GSAP: variants seen among roughly 807,000 people sequenced by gnomAD.
The protein encoded by GSAP is gamma-secretase activating protein.
Under a neutral mutation model 131.7 loss-of-function variants are expected in GSAP, and 118 were observed. The observed-to-expected ratio is 0.90, with a 90% CI of 0.77 to 1.04. The LOEUF (loss-of-function observed/expected upper bound fraction) is 1.04. GSAP is among the 50% of genes least tolerant of loss of function. GSAP has a pLI of 0.00. For synonymous variants in GSAP, 381 were observed against 363.4 expected (o/e 1.05, Z -0.55); for missense variants, 1,019 against 1,013.2 (o/e 1.01, Z -0.08).
chr7:77,400,430 C>A (rs914112542), intron 3 of GSAP, among the ~76,000 whole-genome samples: 11 of 152,180 alleles, frequency 7.2e-5, no homozygotes, highest in African/African-American at 2.7e-4. Context: ...TCCTGCTCCT[C>A]TGCTGTGGTA....
chr7:77,402,198 T>G lies in GSAP; in HGVS notation c.243+2361A>C, dbSNP rs1039546216. ...CCAAGAGAAAGATTTTTTTTTTCTC[T>G]TGATGGCACCATCTTTCCTCATGGT... On this transcript the variant is annotated intron_variant, in intron 3 of 30. Transcript: ENST00000257626. 4.0e-5 allele frequency among the ~76,000 whole-genome samples: 6 copies of G among 151,804 alleles called. No individual in the cohort carries two copies. In the East Asian group the frequency reaches 1.2e-3, roughly 29 times the overall value.
intron 12 of GSAP, among the ~76,000 whole-genome samples, chr7:77,368,056 G>A (rs1795574576): frequency 6.6e-6 from 1 of 152,014 alleles, no homozygotes; most frequent in Non-Finnish European, 1.5e-5. Flanking sequence ...CATCCCATTT[G>A]TCATTTCTAA....
At chr7:77,311,611 T>G (rs1179135558) in intron 30 of GSAP, 162 bp from the exon 31 acceptor site, 1 of 595,006 alleles carries the variant, frequency 1.7e-6, no homozygotes, top group Non-Finnish European at 3.0e-6. Context: ...CAAGAACATT[T>G]GCATCAACCA....
At chr7:77,388,414 G>GTCTA (rs1346170323) in intron 5 of GSAP, among the ~76,000 whole-genome samples, 1 of 152,202 alleles carries the variant, frequency 6.6e-6, no homozygotes, top group Non-Finnish European at 1.5e-5. Flanking sequence ...AGGGACAGTG[G>GTCTA]TATAGCACTG....
chr7:77,312,990 G>A (rs1445170630), intron 28 of GSAP, among the ~76,000 whole-genome samples: 12 of 151,864 alleles, frequency 7.9e-5, no homozygotes. Flanking sequence ...TTCCTACCAT[G>A]TCATATTTTC....
At chr7:77,376,551 G>A (rs1005835852) in intron 10 of GSAP, among the ~76,000 whole-genome samples, 21 of 152,070 alleles carry the variant, frequency 1.4e-4, no homozygotes, top group African/African-American at 4.8e-4. Flanking sequence ...CGAGGCAGGT[G>A]GATCACGAGG....
At chr7:77,355,671 C>A (rs1365521705) in intron 14 of GSAP, 24 bp from the exon 15 acceptor site, 1 of 1,260,222 alleles carries the variant, frequency 7.9e-7, no homozygotes, top group Admixed American at 1.7e-5. Flanking sequence ...AGATTTACAT[C>A]ATCTACATGT....
intron 14 of GSAP, among the ~76,000 whole-genome samples, chr7:77,356,370 G>A (rs1373799718): frequency 6.6e-6 from 1 of 152,164 alleles, no homozygotes; most frequent in Non-Finnish European, 1.5e-5. Context: ...TTGATAAGCT[G>A]GAAATAGCCT....
intron 10 of GSAP, among the ~76,000 whole-genome samples, chr7:77,375,410 C>T (rs1584575035): frequency 6.6e-6 from 1 of 152,102 alleles, no homozygotes; most frequent in East Asian, 1.9e-4. Flanking sequence ...TGGAAGCAAC[C>T]ATCTTTTACA....
chr7:77,367,173 T>G (rs1241533554), intron 12 of GSAP, among the ~76,000 whole-genome samples: 1 of 152,172 alleles, frequency 6.6e-6, no homozygotes, highest in Admixed American at 6.6e-5. Flanking sequence ...CAAACAGGGA[T>G]AGCCTGACTT....
chr7:77,329,497 T>C lies in GSAP; in HGVS notation c.1675-106A>G, dbSNP rs2150674160. 6.0e-6 allele frequency: 3 copies of C among 500,286 alleles called. 1 individual carries two copies. The South Asian group carries it at 1.2e-4, about 20-fold the overall frequency. 31.0% of individuals were successfully genotyped at this position (500,286 alleles called of 1,614,324 possible). On this transcript the variant is annotated intron_variant, in intron 20 of 30. Transcript: ENST00000257626. Reference sequence around the variant, plus strand: ...AGTTAAGAGCATCAGAGAGAAGAAATATACTTTCCAGGTAATCAGAACACC... The same window carrying C: ...AGTTAAGAGCATCAGAGAGAAGAAACATACTTTCCAGGTAATCAGAACACC...
rs747707928 is a variant in GSAP, at chr7:77,404,646, T to G, written c.187-31A>C. ...AAAAATTAACCAGATGTTTATTAAA[T>G]GTCATTGTTTAGGAAGTTAGAATGT... On this transcript the variant is annotated intron_variant, in intron 2 of 30. Coordinates refer to ENST00000257626, the MANE Select transcript of GSAP (RefSeq NM_017439.4). 2.4e-6 allele frequency: 3 copies of G among 1,240,938 alleles called. No homozygotes were observed. The South Asian group carries it at 3.7e-5, about 15-fold the overall frequency. The allele number at this position is 1,240,938 out of a possible 1,614,324, so 76.9% of individuals were successfully genotyped here.
intron 12 of GSAP, among the ~76,000 whole-genome samples, chr7:77,366,985 A>G (rs535508533): frequency 3.0e-4 from 45 of 152,216 alleles, no homozygotes; most frequent in African/African-American, 9.9e-4. Context: ...TTTCTGTGGC[A>G]ATTGTGAATG....
At chr7:77,378,381 G>A (rs1365734252) in intron 8 of GSAP, among the ~76,000 whole-genome samples, 1 of 152,158 alleles carries the variant, frequency 6.6e-6, no homozygotes, top group Non-Finnish European at 1.5e-5. Context: ...CTAATCAGGA[G>A]GCTGAGGCAG....
chr7:77,354,932 G>A (rs771399637), intron 16 of GSAP, among the ~76,000 whole-genome samples: 11 of 152,018 alleles, frequency 7.2e-5, no homozygotes, highest in African/African-American at 1.9e-4. Flanking sequence ...TTTAAGAAAC[G>A]CATTATTTAC....
In GSAP at chr7:77,374,074, A is replaced by G. The variant is rs116912981; in HGVS notation, c.867T>C (p.His289=). ...ATAAATACAACCCTAGTTTACCTGT[A>G]TGGTTGGTAAAAACACACAGAGTCA... ...KHLTLCVFTN[H]TGSLCVCYSP... The change falls in exon 12 of 31, where the codon CAT becomes CAC. Residue 289 remains histidine (H), a synonymous_variant. Transcript: ENST00000257626. 7.0e-4 allele frequency: 1,063 copies of G among 1,521,124 alleles called. 21 individuals are homozygous for G. In the East Asian group the frequency reaches 0.024, roughly 34 times the overall value. 94.2% of individuals were successfully genotyped at this position (1,521,124 alleles called of 1,614,324 possible). A position where few individuals can be genotyped will look rare whatever the true frequency, so the allele number is the denominator to read the frequency against.
At chr7:77,333,172 A>C (rs1046561321) in intron 19 of GSAP, among the ~76,000 whole-genome samples, 1 of 152,236 alleles carries the variant, frequency 6.6e-6, no homozygotes, top group African/African-American at 2.4e-5. Flanking sequence ...TCCAAAAAAA[A>C]AGAAATGCAG....
chr7:77,321,581 T>C (rs142318663), intron 24 of GSAP, among the ~76,000 whole-genome samples, 178 bp from the exon 25 acceptor site: 356 of 152,240 alleles, frequency 2.3e-3, no homozygotes, highest in African/African-American at 7.9e-3. Flanking sequence ...ATAGAAAGAC[T>C]GAAAATGTGC....
chr7:77,408,752 T>C (rs1802757593), intron 1 of GSAP, among the ~76,000 whole-genome samples: 1 of 147,986 alleles, frequency 6.8e-6, no homozygotes, highest in Non-Finnish European at 1.5e-5. Flanking sequence ...ATTTTTCCCA[T>C]ACAGGAATAG....
Sources: gnomAD v4.1 joint callset for allele counts (sites outside exome capture counted in the v4.1 genomes callset) on GRCh38, gnomAD v4.1.1 for gene constraint, MANE v1.5 for transcripts, NCBI Gene and HGNC (gene_info 2026-07-23, HGNC 2026-07-21) for gene names.